The following SCAMP5 variants were observed in gnomAD, a reference collection of about 807,000 sequenced individuals.
SCAMP5 encodes the protein secretory carrier membrane protein 5, also known as secretory carrier-associated membrane protein 5.
SCAMP5 carries 7 observed loss-of-function variants against 28.3 expected under a neutral mutation model. The observed-to-expected ratio is 0.25, with a 90% confidence interval of 0.14 to 0.46. SCAMP5 has a LOEUF of 0.46. Ranked by LOEUF, SCAMP5 falls within the 20% of genes least tolerant of loss-of-function variation. SCAMP5 has a pLI of 0.99. For missense variants in SCAMP5, 192 were observed against 312.5 expected, an observed-to-expected ratio of 0.61 and a Z score of 2.91; for synonymous variants, 117 against 116.4, an observed-to-expected ratio of 1.00 and a Z score of -0.03.
chr15:75,015,455 G>T (rs78465131), intron 3 of SCAMP5, among the ~76,000 whole-genome samples: 289 of 151,986 alleles, frequency 1.9e-3, no homozygotes, highest in Non-Finnish European at 3.1e-3. Flanking sequence ...GGGACAGAGG[G>T]GGGGGGGCCT....
chr15:75,011,658 A>C (rs1345003654), intron 1 of SCAMP5, 134 bp from the exon 2 acceptor site: 3 of 434,342 alleles, frequency 6.9e-6, no homozygotes, highest in Non-Finnish European at 1.3e-5. Flanking sequence ...AGCTGCCTCC[A>C]TTGCATTCAC....
chr15:74,998,403 C>T (rs1391358200), intron 1 of SCAMP5, among the ~76,000 whole-genome samples: 2 of 151,960 alleles, frequency 1.3e-5, no homozygotes, highest in African/African-American at 4.8e-5. Flanking sequence ...GTCAGGAGTT[C>T]GAGACCAGCC....
intron 1 of SCAMP5, among the ~76,000 whole-genome samples, chr15:75,003,665 C>A (rs111521844): frequency 2.0e-5 from 3 of 152,132 alleles, no homozygotes; most frequent in African/African-American, 4.8e-5. Context: ...AAAAAATTAG[C>A]TGGGCATGGT....
chr15:75,016,829 CT>C (rs371189916), intron 4 of SCAMP5, 80 bp downstream of exon 4: 220,995 of 956,836 alleles, frequency 0.23, 4 homozygotes, highest in East Asian at 0.25. Context: ...TTTCTCACTT[CT>C]TTTTTTTTTT....
intron 1 of SCAMP5, among the ~76,000 whole-genome samples, chr15:75,005,366 A>C (rs1019452136): frequency 2.6e-5 from 4 of 151,956 alleles, no homozygotes; most frequent in Non-Finnish European, 5.9e-5. Context: ...AGGCTGAGGC[A>C]GGAGAATCGC....
At chr15:74,999,991 T>C (rs2065688586) in intron 1 of SCAMP5, among the ~76,000 whole-genome samples, 1 of 152,148 alleles carries the variant, frequency 6.6e-6, no homozygotes, top group Non-Finnish European at 1.5e-5. Flanking sequence ...TAAAACAGGA[T>C]GTGTGGAATG....
intron 1 of SCAMP5, among the ~76,000 whole-genome samples, chr15:75,003,543 C>G (rs369927742): frequency 1.3e-5 from 2 of 152,140 alleles, no homozygotes; most frequent in South Asian, 4.1e-4. Flanking sequence ...GCACAGTGAC[C>G]TCATGCCTGT....
At chr15:75,001,269 CAAAAA>C (rs34325708) in intron 1 of SCAMP5, among the ~76,000 whole-genome samples, 3 of 58,186 alleles carry the variant, frequency 5.2e-5, no homozygotes, top group African/African-American at 7.0e-5. Context: ...AGCGAGACTC[CAAAAA>C]AAAAAAAAAA....
At chr15:74,998,875 T>A (rs1013485064) in intron 1 of SCAMP5, among the ~76,000 whole-genome samples, 1 of 152,224 alleles carries the variant, frequency 6.6e-6, no homozygotes, top group African/African-American at 2.4e-5. Context: ...TCTCTGGAAC[T>A]GTAAGCAGAC....
chr15:75,017,515 G>C, intron 4 of SCAMP5: 1 of 486,592 alleles, frequency 2.1e-6, no homozygotes, highest in Non-Finnish European at 3.6e-6. Context: ...ATCCATCCAT[G>C]TACCAGTGGA....
chr15:75,011,412 T>C (rs2065810497), intron 1 of SCAMP5, among the ~76,000 whole-genome samples: 1 of 152,072 alleles, frequency 6.6e-6, no homozygotes, highest in Non-Finnish European at 1.5e-5. Context: ...TCCTAATAAA[T>C]GAACAAAGGC....
rs780529707 is a variant in SCAMP5, at chr15:75,017,924, G to T, written c.348G>T (p.Leu116Phe). ...TCTTCTTTACCTTCATGGCTCAGTT[G>T]GTCATCAGCATCATCCAGGCCGTGG... The part of the protein sequence containing the change: ...MAFFFTFMAQ[L>F]VISIIQAVGI... Residue 116 changes from leucine (L) to phenylalanine (F), a missense_variant, in exon 5 of 7, where the codon TTG (leucine) becomes TTT (phenylalanine). Transcript: ENST00000425597. 15 of 1,613,774 alleles carry T rather than the reference G, an allele frequency of 9.3e-6. No homozygotes were observed. Among genetic ancestry groups the T allele is most frequent in the Admixed American group, 1.7e-5 (1 of 59,998 alleles).
At chr15:75,002,450 C>G (rs1318944789) in intron 1 of SCAMP5, among the ~76,000 whole-genome samples, 1 of 152,078 alleles carries the variant, frequency 6.6e-6, no homozygotes, top group Non-Finnish European at 1.5e-5. Context: ...CATATCCTAC[C>G]CAGGTGGTAC....
At chr15:74,998,847 T>C (rs995120072) in intron 1 of SCAMP5, among the ~76,000 whole-genome samples, 1 of 152,212 alleles carries the variant, frequency 6.6e-6, no homozygotes, top group East Asian at 1.9e-4. Context: ...GAATTATTCA[T>C]ACTTTGCTGC....
At chr15:75,005,634 A>G (rs2065749919) in intron 1 of SCAMP5, among the ~76,000 whole-genome samples, 1 of 152,098 alleles carries the variant, frequency 6.6e-6, no homozygotes, top group Non-Finnish European at 1.5e-5. Context: ...TTTCATAATT[A>G]TTTTCAGATT....
intron 2 of SCAMP5, among the ~76,000 whole-genome samples, chr15:75,012,148 T>C (rs1188479683): frequency 6.6e-6 from 1 of 152,220 alleles, no homozygotes; most frequent in African/African-American, 2.4e-5. Context: ...CCTCTGTCTC[T>C]ATTGCTTTCT....
intron 1 of SCAMP5, among the ~76,000 whole-genome samples, chr15:74,999,609 A>G (rs900424746): frequency 6.6e-6 from 1 of 152,088 alleles, no homozygotes; most frequent in African/African-American, 2.4e-5. Flanking sequence ...AAAAACAAAA[A>G]CAAAAACAAA....
At chr15:75,016,543 A>G (rs952758315) in intron 3 of SCAMP5, 50 bp from the exon 4 acceptor site, 3 of 1,567,172 alleles carry the variant, frequency 1.9e-6, no homozygotes, top group Non-Finnish European at 8.7e-7. Context: ...GTGTCTCTCT[A>G]TGGGCCTGGG....
intron 1 of SCAMP5, among the ~76,000 whole-genome samples, chr15:75,002,516 C>G (rs150958566): frequency 5.9e-5 from 9 of 152,122 alleles, no homozygotes; most frequent in African/African-American, 2.2e-4. Context: ...ACTGCTGTCA[C>G]CACCAAAACG....
Sources: allele counts gnomAD v4.1 joint callset (sites outside exome capture counted in the v4.1 genomes callset), GRCh38; gene constraint gnomAD v4.1.1; transcripts MANE v1.5; gene names NCBI Gene and HGNC (gene_info 2026-07-23, HGNC 2026-07-21).